The following ATF7 variants were observed in gnomAD, a reference collection of about 807,000 sequenced individuals.
ATF7 encodes cyclic AMP-dependent transcription factor ATF-7.
Under a neutral mutation model 50.4 loss-of-function variants are expected in ATF7, and 10 were observed. The observed-to-expected ratio is 0.20, with a 90% confidence interval of 0.12 to 0.34. The LOEUF (loss-of-function observed/expected upper bound fraction) is 0.34, where lower values mean the gene tolerates loss of function less well. ATF7 is among the 10% of genes least tolerant of loss of function. The pLI is 1.00. For missense variants in ATF7, 465 were observed against 613.9 expected, an observed-to-expected ratio of 0.76 and a Z score of 2.56; for synonymous variants, 201 against 226.4, an observed-to-expected ratio of 0.89 and a Z score of 1.01.
At chr12:53,522,182 T>C (rs1938163485) in intron 11 of ATF7, among the ~76,000 whole-genome samples, 1 of 152,218 alleles carries the variant, frequency 6.6e-6, no homozygotes, top group Non-Finnish European at 1.5e-5. Context: ...CAGCCTATCA[T>C]TAGATAAAAT....
chr12:53,542,342 G>A (rs61921062), intron 4 of ATF7, among the ~76,000 whole-genome samples: 55,911 of 151,384 alleles, frequency 0.37, 13,052 homozygotes, highest in Non-Finnish European at 0.52. Context: ...CAGGAAAATG[G>A]CGTGAACCTG....
intron 1 of ATF7, among the ~76,000 whole-genome samples, chr12:53,608,359 C>T (rs555169431): frequency 6.6e-6 from 1 of 151,810 alleles, no homozygotes; most frequent in South Asian, 2.1e-4. Flanking sequence ...AACCAAGTGA[C>T]AAATTAAGTT....
intron 2 of ATF7, among the ~76,000 whole-genome samples, chr12:53,582,803 T>C (rs1942500212): frequency 6.6e-6 from 1 of 152,096 alleles, no homozygotes; most frequent in Non-Finnish European, 1.5e-5. Flanking sequence ...GCCAGGATGG[T>C]CTCATCTCCT....
At position 53,618,084 on chromosome 12, in the gene ATF7, T is replaced by C. The variant is rs558921296; in HGVS notation, c.-22+8195A>G. Among the ~76,000 whole-genome samples, 6 of 152,346 alleles carry C rather than the reference T, an allele frequency of 3.9e-5. No homozygotes were observed. In the East Asian group the frequency reaches 1.2e-3, roughly 29 times the overall value. The stretch of plus-strand genomic sequence containing the variant: ...CTCCAATGCAAAATATTTGTTGTTG[T>C]TGATTTTTGTTTTGTTTTTAGCTCA... On this transcript the variant is annotated intron_variant, in intron 1 of 11. Coordinates refer to ENST00000420353, the MANE Select transcript of ATF7 (RefSeq NM_006856.3).
At chr12:53,611,252 C>T (rs528817102) in intron 1 of ATF7, among the ~76,000 whole-genome samples, 9 of 152,228 alleles carry the variant, frequency 5.9e-5, no homozygotes, top group Admixed American at 2.0e-4. Flanking sequence ...GGGCAGATTA[C>T]GAGGTCAGGA....
chr12:53,590,440 T>C (rs1453142284), intron 2 of ATF7, among the ~76,000 whole-genome samples: 1 of 152,180 alleles, frequency 6.6e-6, no homozygotes, highest in Non-Finnish European at 1.5e-5. Context: ...AATGAGACTT[T>C]ATTGTCCTCA....
intron 2 of ATF7, among the ~76,000 whole-genome samples, chr12:53,561,230 A>G (rs1314345877): frequency 6.6e-6 from 1 of 151,032 alleles, no homozygotes; most frequent in African/African-American, 2.4e-5. Context: ...GCACCCATAT[A>G]CTTGGGGGCG....
rs117788567 is a variant in ATF7 at position 53,617,703 on chromosome 12, C to T, written c.-22+8576G>A. On this transcript the variant is annotated intron_variant, in intron 1 of 11. Transcript: ENST00000420353. ...CACCTTTGCTTTGGTTGGGAACCTT[C>T]GTTAAATGTTTGCCTACAAAATTTT... Among the ~76,000 whole-genome samples the T allele has an allele frequency of 9.7e-3, 1,482 of 152,054 alleles. 7 individuals carry two copies. The highest frequency in any genetic ancestry group is 0.015 in the African/African-American group (618 of 41,496).
chr12:53,586,968 G>A (rs1478459918), intron 2 of ATF7, among the ~76,000 whole-genome samples: 3 of 152,176 alleles, frequency 2.0e-5, no homozygotes, highest in Non-Finnish European at 1.5e-5. Flanking sequence ...ACTTGACTTC[G>A]TGGTAAGAGG....
chr12:53,586,563 G>GT (rs1355288520), intron 2 of ATF7, among the ~76,000 whole-genome samples: 1 of 152,154 alleles, frequency 6.6e-6, no homozygotes, highest in Non-Finnish European at 1.5e-5. Context: ...CTATGCCAAT[G>GT]TAAGATTTGT....
At chr12:53,523,473 A>T (rs1178047625) in intron 10 of ATF7, 89 bp from the exon 11 acceptor site, 1 of 938,926 alleles carries the variant, frequency 1.1e-6, no homozygotes. Flanking sequence ...AGGACAGAAT[A>T]TTGCCTCGAT....
At chr12:53,583,014 TG>T (rs1942509703) in intron 2 of ATF7, among the ~76,000 whole-genome samples, 1 of 152,210 alleles carries the variant, frequency 6.6e-6, no homozygotes, top group African/African-American at 2.4e-5. Context: ...CAAATGGTGC[TG>T]GAACAACTGG....
At chr12:53,565,776 A>G (rs970219958) in intron 2 of ATF7, among the ~76,000 whole-genome samples, 3 of 152,164 alleles carry the variant, frequency 2.0e-5, no homozygotes, top group Non-Finnish European at 4.4e-5. Flanking sequence ...TACAGGTGTG[A>G]GCCCCTGTGC....
At chr12:53,532,686 A>G (rs1292043501) in intron 7 of ATF7, 63 bp from the exon 8 acceptor site, 4 of 1,246,726 alleles carry the variant, frequency 3.2e-6, no homozygotes, top group African/African-American at 3.0e-5. Flanking sequence ...GTGGGGCAAC[A>G]GTTTCCCTAA....
chr12:53,531,020 G>C (rs758303405), intron 9 of ATF7, among the ~76,000 whole-genome samples: 3 of 152,184 alleles, frequency 2.0e-5, no homozygotes, highest in Non-Finnish European at 2.9e-5. Context: ...AGACTTAATA[G>C]ATAGGAAAGA....
At chr12:53,603,749 T>G (rs1303471375) in intron 1 of ATF7, among the ~76,000 whole-genome samples, 1 of 151,746 alleles carries the variant, frequency 6.6e-6, no homozygotes, top group East Asian at 1.9e-4. Flanking sequence ...AGCTAACACC[T>G]TTTTTAAAAA....
chr12:53,589,088 C>T (rs1424151170), intron 2 of ATF7, among the ~76,000 whole-genome samples: 1 of 152,110 alleles, frequency 6.6e-6, no homozygotes, highest in African/African-American at 2.4e-5. Flanking sequence ...ACTACTTACT[C>T]ATTTTTTTCT....
chr12:53,587,820 CATATATAT>C (rs1242121330), intron 2 of ATF7, among the ~76,000 whole-genome samples: 1 of 67,042 alleles, frequency 1.5e-5, no homozygotes, highest in African/African-American at 4.2e-5. Flanking sequence ...TATACTTCTA[CATATATAT>C]ATATATATAT....
intron 2 of ATF7, among the ~76,000 whole-genome samples, chr12:53,598,943 C>T (rs1226020656): frequency 6.6e-6 from 1 of 152,002 alleles, no homozygotes; most frequent in Non-Finnish European, 1.5e-5. Context: ...CAACTAAAAG[C>T]AAGAAGTGAA....
Sources: allele counts gnomAD v4.1 joint callset (sites outside exome capture counted in the v4.1 genomes callset), GRCh38; gene constraint gnomAD v4.1.1; transcripts MANE v1.5; gene names NCBI Gene and HGNC (gene_info 2026-07-23, HGNC 2026-07-21).